The following PCBP3 variants were observed in gnomAD, a reference collection of about 807,000 sequenced individuals.
PCBP3 encodes the protein poly(rC) binding protein 3, also known as poly(rC)-binding protein 3.
PCBP3 carries 25 observed loss-of-function variants against 52.7 expected under a neutral mutation model. The observed-to-expected ratio is 0.47, with a 90% CI of 0.35 to 0.66. The LOEUF is 0.66. Among genes scored for constraint, PCBP3 ranks in the 30% least tolerant of loss-of-function variants. The pLI is 0.01. For missense variants in PCBP3, 391 were observed against 490.3 expected (o/e 0.80, Z 1.91); for synonymous variants, 162 against 183.0 (o/e 0.89, Z 0.93).
intron 4 of PCBP3, among the ~76,000 whole-genome samples, chr21:45,835,165 AG>A (rs1220870198): frequency 1.3e-5 from 2 of 152,146 alleles, no homozygotes; most frequent in Non-Finnish European, 2.9e-5. Context: ...GAGCCAGATG[AG>A]GGGAGCCAAG....
chr21:45,910,024 AC>A (rs1176207772), intron 10 of PCBP3, among the ~76,000 whole-genome samples: 2 of 31,470 alleles, frequency 6.4e-5, no homozygotes, highest in African/African-American at 1.3e-4. Context: ...GACCTGGCCC[AC>A]CCACTGCCCA....
rs968732268 is a variant in PCBP3, at chr21:45,741,523, A to G, written c.-162+6094A>G. On this transcript the variant is annotated intron_variant, in intron 3 of 17. Transcript: ENST00000681687. The surrounding 1 kb of genome is among the most constrained non-coding windows in gnomAD (Gnocchi z 4.5). ...CAATACAAACTCAGTAATTAGAAATATGGAGATAAAGAAATGCCAAAAGAG... is the reference window on the plus strand; with the variant it reads ...CAATACAAACTCAGTAATTAGAAATGTGGAGATAAAGAAATGCCAAAAGAG... Among the ~76,000 whole-genome samples the G allele has an allele frequency of 2.0e-5, 3 of 152,134 alleles. No individual in the cohort carries two copies. The highest frequency in any genetic ancestry group is 4.4e-5 in the Non-Finnish European group (3 of 68,012).
intron 5 of PCBP3, among the ~76,000 whole-genome samples, chr21:45,876,380 G>A (rs2148709342): frequency 6.6e-6 from 1 of 152,338 alleles, no homozygotes; most frequent in South Asian, 2.1e-4. Flanking sequence ...CCTGGCTATG[G>A]TCAGGAAAAT....
intron 1 of PCBP3, among the ~76,000 whole-genome samples, chr21:45,663,181 CT>C (rs2080531251): frequency 6.6e-6 from 1 of 152,140 alleles, no homozygotes. Context: ...CTCTCTCTCT[CT>C]CCACCTTGGC....
At chr21:45,867,910 G>A (rs1439920897) in intron 5 of PCBP3, among the ~76,000 whole-genome samples, 1 of 152,276 alleles carries the variant, frequency 6.6e-6, no homozygotes, top group African/African-American at 2.4e-5. Context: ...ACCCAGCGCC[G>A]TCGCACACAC....
At chr21:45,707,083 A>G (rs1476289973) in intron 2 of PCBP3, among the ~76,000 whole-genome samples, 1 of 152,168 alleles carries the variant, frequency 6.6e-6, no homozygotes, top group Non-Finnish European at 1.5e-5. Context: ...TATTGATAGC[A>G]GGAGCGGGAA....
chr21:45,925,151 G>A (rs1383636234), intron 13 of PCBP3, among the ~76,000 whole-genome samples: 17 of 135,296 alleles, frequency 1.3e-4, no homozygotes, highest in African/African-American at 3.0e-4. Flanking sequence ...GAGGAGATGC[G>A]AACACCAGGA....
chr21:45,785,507 G>A (rs1218144867), intron 4 of PCBP3, among the ~76,000 whole-genome samples: 1 of 70,588 alleles, frequency 1.4e-5, no homozygotes, highest in East Asian at 2.6e-4. Flanking sequence ...CCGTCCGGGA[G>A]GGGGGGGGGT....
chr21:45,866,127 C>G (rs1230248493), intron 5 of PCBP3, among the ~76,000 whole-genome samples: 1 of 152,222 alleles, frequency 6.6e-6, no homozygotes, highest in Non-Finnish European at 1.5e-5. Context: ...ACCCCTGGAC[C>G]CCCCTTGCCA....
At chr21:45,939,076 A>T (rs1373994046) in intron 16 of PCBP3, among the ~76,000 whole-genome samples, 2 of 152,166 alleles carry the variant, frequency 1.3e-5, no homozygotes, top group Admixed American at 1.3e-4. Flanking sequence ...GCCTCACGGG[A>T]GGTGGGAGTG....
At chr21:45,859,843 C>T (rs2094446037) in intron 5 of PCBP3, 1 of 152,354 alleles carries the variant, frequency 6.6e-6, no homozygotes, top group South Asian at 2.1e-4. Flanking sequence ...GGAAGCAGGG[C>T]AGGCGGCCTC....
At chr21:45,748,715 C>A (rs1225014079) in intron 3 of PCBP3, among the ~76,000 whole-genome samples, 1 of 152,236 alleles carries the variant, frequency 6.6e-6, no homozygotes, top group African/African-American at 2.4e-5. Flanking sequence ...GTGTTAGGAG[C>A]ACAGCGGTGA....
intron 5 of PCBP3, among the ~76,000 whole-genome samples, chr21:45,885,951 C>G (rs2095506742): frequency 6.6e-6 from 1 of 152,356 alleles, no homozygotes; most frequent in African/African-American, 2.4e-5. Context: ...TCTGGACCTT[C>G]TGGATATTAC....
intron 3 of PCBP3, chr21:45,750,842 A>T (rs1476832401): frequency 6.6e-6 from 1 of 152,134 alleles, no homozygotes; most frequent in Non-Finnish European, 1.5e-5. Context: ...GCATGTACAC[A>T]TACACACCTC....
chr21:45,918,363 AC>A (rs2073859171), intron 13 of PCBP3: 1 of 141,904 alleles, frequency 7.0e-6, no homozygotes, highest in Non-Finnish European at 1.6e-5. Flanking sequence ...GGAAGAAGTT[AC>A]CCTCAGATAA....
intron 5 of PCBP3, among the ~76,000 whole-genome samples, chr21:45,861,283 A>C (rs1239010442): frequency 6.6e-6 from 1 of 151,822 alleles, no homozygotes; most frequent in African/African-American, 2.4e-5. Context: ...GTAGCCACCC[A>C]CCTTCCACCC....
intron 1 of PCBP3, among the ~76,000 whole-genome samples, chr21:45,646,105 CTCTG>C (rs1246114658): frequency 6.7e-4 from 62 of 92,964 alleles, no homozygotes; most frequent in Middle Eastern, 9.8e-3. Flanking sequence ...CTCTCTCTCT[CTCTG>C]TGTGTGTGTG....
intron 4 of PCBP3, among the ~76,000 whole-genome samples, chr21:45,755,821 A>G (rs1319332531): frequency 6.6e-6 from 1 of 152,184 alleles, no homozygotes; most frequent in Non-Finnish European, 1.5e-5. Context: ...GTTATATGCT[A>G]TGAATACCAG....
In PCBP3 at chr21:45,896,830, A is replaced by G. The variant is rs79276851; in HGVS notation, c.165+468A>G. ...AAAGGCAGACATGGCACATAGAACCAGAGATGCACTGCCCGGGCCATTGTC... is the reference window on the plus strand; with the variant it reads ...AAAGGCAGACATGGCACATAGAACCGGAGATGCACTGCCCGGGCCATTGTC... On this transcript the variant is annotated intron_variant, in intron 6 of 17. Coordinates refer to ENST00000681687, the MANE Select transcript of PCBP3 (RefSeq NM_001384156.1). Among the ~76,000 whole-genome samples, 205 of 71,136 alleles carry G rather than the reference A, an allele frequency of 2.9e-3. No individual in the cohort carries two copies. The Middle Eastern group carries it at 0.048, about 17-fold the overall frequency. 46.7% of individuals were successfully genotyped at this position (71,136 alleles called of 152,430 possible).
Sources: gnomAD v4.1 joint callset for allele counts (sites outside exome capture counted in the v4.1 genomes callset) on GRCh38, gnomAD v4.1.1 for gene constraint, Gnocchi (gnomAD v3.1) non-coding constraint, MANE v1.5 for transcripts, NCBI Gene and HGNC (gene_info 2026-07-23, HGNC 2026-07-21) for gene names.